FSTL4: variants seen among roughly 807,000 people sequenced by gnomAD.
FSTL4 encodes follistatin like 4, also known as follistatin-related protein 4.
A neutral mutation model predicts 78.2 loss-of-function variants in FSTL4; 28 were observed. The observed-to-expected ratio is 0.36, with a 90% CI of 0.27 to 0.49. The LOEUF (loss-of-function observed/expected upper bound fraction) is 0.49, where lower values mean the gene tolerates loss of function less well. Among genes scored for constraint, FSTL4 ranks in the 20% least tolerant of loss-of-function variants. The pLI is 0.98. For synonymous variants in FSTL4, 422 were observed against 440.5 expected, an observed-to-expected ratio of 0.96 and a Z score of 0.53; for missense variants, 922 against 1,084.9, an observed-to-expected ratio of 0.85 and a Z score of 2.11.
chr5:133,567,360 C>A, intron 2 of FSTL4, 141 bp from the exon 3 acceptor site: 1 of 676,864 alleles, frequency 1.5e-6, no homozygotes, highest in South Asian at 1.7e-5. Flanking sequence ...CAATGTTGGT[C>A]TACTAAACTC....
chr5:133,220,574 G>C (rs2126786464), intron 12 of FSTL4, among the ~76,000 whole-genome samples, 174 bp downstream of exon 12: 1 of 152,348 alleles, frequency 6.6e-6, no homozygotes, highest in Admixed American at 6.5e-5. Context: ...GAAGGAATGA[G>C]AATTTTAAAT....
At chr5:133,528,060 T>G (rs570883790) in intron 3 of FSTL4, among the ~76,000 whole-genome samples, 1 of 152,348 alleles carries the variant, frequency 6.6e-6, no homozygotes, top group Admixed American at 6.5e-5. Context: ...TGTTATCATT[T>G]CAGGGATTTG....
At chr5:133,315,634 C>T (rs997038980) in intron 5 of FSTL4, among the ~76,000 whole-genome samples, 3 of 152,232 alleles carry the variant, frequency 2.0e-5, no homozygotes, top group African/African-American at 7.2e-5. Flanking sequence ...CCCCCCACCA[C>T]CCAACTCAGG....
the FSTL4 span, among the ~76,000 whole-genome samples, chr5:133,750,679 C>T: frequency 6.6e-6 from 1 of 152,174 alleles, no homozygotes; most frequent in Non-Finnish European, 1.5e-5. Context: ...CCTGTCCCGG[C>T]TCCTAACATG....
At chr5:133,333,282 C>T (rs1754389629) in intron 4 of FSTL4, among the ~76,000 whole-genome samples, 1 of 152,204 alleles carries the variant, frequency 6.6e-6, no homozygotes, top group Non-Finnish European at 1.5e-5. Context: ...AAACTGAGGC[C>T]AAGGAACAGT....
rs528370116 is a variant in FSTL4 at position 133,231,148 on chromosome 5, G to T, written c.1015+2269C>A. ...CTTTTCTACTGGATTTTTCCTGTTA[G>T]CCCACAGAATGCTTTTATTTCTCCT... On this transcript the variant is annotated intron_variant, in intron 8 of 15. Coordinates refer to ENST00000265342, the MANE Select transcript of FSTL4 (RefSeq NM_015082.2). 2.6e-5 allele frequency among the ~76,000 whole-genome samples: 4 copies of T among 151,132 alleles called. No individual in the cohort carries two copies. The South Asian group carries it at 8.4e-4, about 32-fold the overall frequency.
the FSTL4 span, among the ~76,000 whole-genome samples, chr5:133,721,909 G>A: frequency 2.4e-4 from 36 of 152,174 alleles, no homozygotes; most frequent in South Asian, 8.3e-4. Flanking sequence ...CTCCCATAAT[G>A]CAAATACTTG....
intron 3 of FSTL4, among the ~76,000 whole-genome samples, chr5:133,509,802 G>A (rs927284558): frequency 1.3e-5 from 2 of 152,242 alleles, no homozygotes; most frequent in African/African-American, 4.8e-5. Flanking sequence ...CCATGAAGCT[G>A]GGCAGGCAGT....
At chr5:133,543,350 C>A (rs552999241) in intron 3 of FSTL4, among the ~76,000 whole-genome samples, 1 of 152,172 alleles carries the variant, frequency 6.6e-6, no homozygotes. Flanking sequence ...CCATGCCTAG[C>A]CTCTTTCTTC....
At chr5:133,627,151 C>CT in the FSTL4 span, among the ~76,000 whole-genome samples, 6,271 of 93,036 alleles carry the variant, frequency 0.067, 411 homozygotes, top group South Asian at 0.12. Context: ...CTCTGTGTCT[C>CT]TTTTTTTTTT....
At chr5:133,836,697 C>T in the FSTL4 span, among the ~76,000 whole-genome samples, 1 of 151,354 alleles carries the variant, frequency 6.6e-6, no homozygotes, top group Non-Finnish European at 1.5e-5. Flanking sequence ...AAAAATGTGT[C>T]TCCGAAGTTT....
chr5:133,633,798 T>C, the FSTL4 span, among the ~76,000 whole-genome samples: 4 of 152,150 alleles, frequency 2.6e-5, no homozygotes, highest in Non-Finnish European at 5.9e-5. Flanking sequence ...AAAGGTGTCA[T>C]CTGTTACTCC....
the FSTL4 span, among the ~76,000 whole-genome samples, chr5:133,808,018 C>G: frequency 6.6e-6 from 1 of 152,106 alleles, no homozygotes; most frequent in African/African-American, 2.4e-5. Context: ...ACTATGAACT[C>G]CTTAAAAAAA....
chr5:133,487,367 G>A (rs985721697), intron 3 of FSTL4, among the ~76,000 whole-genome samples: 2 of 152,116 alleles, frequency 1.3e-5, no homozygotes, highest in African/African-American at 2.4e-5. Context: ...TGCAATCTGA[G>A]CTGTCACCAT....
the FSTL4 span, among the ~76,000 whole-genome samples, chr5:133,641,175 A>C: frequency 1.3e-5 from 2 of 152,174 alleles, no homozygotes. Flanking sequence ...GCTCATGGGA[A>C]TGTCACAAAT....
chr5:133,819,613 G>T, the FSTL4 span, among the ~76,000 whole-genome samples: 1 of 152,194 alleles, frequency 6.6e-6, no homozygotes, highest in Non-Finnish European at 1.5e-5. Flanking sequence ...AGGTTTAGGT[G>T]ACCCGAGAAA....
the FSTL4 span, among the ~76,000 whole-genome samples, chr5:133,765,729 T>C: frequency 1.3e-5 from 2 of 151,996 alleles, no homozygotes; most frequent in Admixed American, 6.6e-5. Flanking sequence ...GCAAATGTGG[T>C]AGGGAGGGGT....
chr5:133,671,240 A>T, the FSTL4 span, among the ~76,000 whole-genome samples: 1 of 152,200 alleles, frequency 6.6e-6, no homozygotes, highest in East Asian at 1.9e-4. Context: ...AGACCAGAAA[A>T]ACTGTCCAGA....
the FSTL4 span, among the ~76,000 whole-genome samples, chr5:133,625,430 T>C: frequency 2.6e-5 from 4 of 151,666 alleles, no homozygotes; most frequent in East Asian, 7.7e-4. Flanking sequence ...TTATTCTTTG[T>C]TTGATGTCTA....
Sources: allele counts gnomAD v4.1 joint callset (sites outside exome capture counted in the v4.1 genomes callset), GRCh38; gene constraint gnomAD v4.1.1; transcripts MANE v1.5; gene names NCBI Gene and HGNC (gene_info 2026-07-23, HGNC 2026-07-21).